Variants in ADGRB3 observed in about 807,000 individuals in gnomAD.
ADGRB3 encodes adhesion G protein-coupled receptor B3, also known as brain-specific angiogenesis inhibitor 3.
In ADGRB3, 37 loss-of-function variants were observed where a neutral mutation model predicts 193.4. The observed-to-expected ratio is 0.19, with a 90% CI of 0.15 to 0.25. The LOEUF (loss-of-function observed/expected upper bound fraction) is 0.25. Ranked by LOEUF, ADGRB3 falls within the 10% of genes least tolerant of loss-of-function variation. ADGRB3 has a pLI of 1.00. For missense variants in ADGRB3, 1,637 were observed against 1,852.9 expected, an observed-to-expected ratio of 0.88 and a Z score of 2.14; for synonymous variants, 690 against 644.2, an observed-to-expected ratio of 1.07 and a Z score of -1.08.
At chr6:69,077,930 A>G (rs1331063005) in intron 17 of ADGRB3, among the ~76,000 whole-genome samples, 1 of 152,020 alleles carries the variant, frequency 6.6e-6, no homozygotes, top group Non-Finnish European at 1.5e-5. Context: ...TTGTTTCATT[A>G]TTAAAAGTGT....
chr6:68,834,714 C>G (rs1047490146), intron 3 of ADGRB3, among the ~76,000 whole-genome samples: 1 of 100,736 alleles, frequency 9.9e-6, no homozygotes, highest in African/African-American at 4.0e-5. Flanking sequence ...CTGTTCAGTG[C>G]TGAGACGGGC....
At position 68,655,192 on chromosome 6, in the gene ADGRB3, A is replaced by G. The variant is rs1052410582; in HGVS notation, c.757+15760A>G. ...AAAACAAAGATTGTTGTAAGAGACA[A>G]CATGTCATAGTGTTTAAGGGTCAGA... is the stretch of plus-strand genomic sequence containing the variant. On this transcript the variant is annotated intron_variant, in intron 3 of 31. Coordinates refer to ENST00000370598, the MANE Select transcript of ADGRB3 (RefSeq NM_001704.3). 6.6e-5 allele frequency among the ~76,000 whole-genome samples: 10 copies of G among 151,378 alleles called. No homozygotes were observed. The Admixed American group carries it at 6.6e-4, about 10-fold the overall frequency.
chr6:69,334,865 C>G (rs1768812645), intron 24 of ADGRB3, among the ~76,000 whole-genome samples: 2 of 152,126 alleles, frequency 1.3e-5, no homozygotes, highest in Admixed American at 1.3e-4. Context: ...AACTCAGTCT[C>G]CTCATCTGTT....
At chr6:68,880,639 T>TGG (rs1765707596) in intron 3 of ADGRB3, among the ~76,000 whole-genome samples, 2 of 152,134 alleles carry the variant, frequency 1.3e-5, no homozygotes, top group Non-Finnish European at 2.9e-5. Context: ...TTGTACTTTA[T>TGG]AAGGAAGTCA....
chr6:68,832,587 A>G (rs565918306), intron 3 of ADGRB3, among the ~76,000 whole-genome samples: 9 of 152,268 alleles, frequency 5.9e-5, no homozygotes, highest in African/African-American at 2.2e-4. Context: ...TCATTTTTCA[A>G]TGTATCTTTT....
Position 68,670,107 on chromosome 6 carries a change from G to A in ADGRB3, c.757+30675G>A, listed in dbSNP as rs1285815777. Among the ~76,000 whole-genome samples, 3 of 151,740 alleles carry A rather than the reference G, an allele frequency of 2.0e-5. No individual in the cohort carries two copies. In the East Asian group the frequency reaches 5.8e-4, roughly 29 times the overall value. Reference sequence around the variant, plus strand: ...TATTCAAATCTTTTGCCCATTTTTTGATTGGGTTATTGGATTTTTTTCTTA... The same window carrying A: ...TATTCAAATCTTTTGCCCATTTTTTAATTGGGTTATTGGATTTTTTTCTTA... On this transcript the variant is annotated intron_variant, in intron 3 of 31. Coordinates refer to ENST00000370598, the MANE Select transcript of ADGRB3 (RefSeq NM_001704.3).
At chr6:69,296,289 A>C (rs1446734189) in intron 20 of ADGRB3, among the ~76,000 whole-genome samples, 1 of 152,196 alleles carries the variant, frequency 6.6e-6, no homozygotes, top group African/African-American at 2.4e-5. Context: ...GGTTAATCAC[A>C]GTGAAAAACT....
intron 3 of ADGRB3, among the ~76,000 whole-genome samples, chr6:68,786,978 T>A (rs564462053): frequency 1.3e-5 from 2 of 152,308 alleles, no homozygotes; most frequent in South Asian, 2.1e-4. Context: ...TGTATAAGAA[T>A]GCTTGTGATT....
At chr6:68,745,767 A>C (rs1344823565) in intron 3 of ADGRB3, among the ~76,000 whole-genome samples, 1 of 151,854 alleles carries the variant, frequency 6.6e-6, no homozygotes, top group Non-Finnish European at 1.5e-5. Flanking sequence ...ATATCCCCCC[A>C]CACACATATT....
intron 20 of ADGRB3, among the ~76,000 whole-genome samples, chr6:69,254,427 G>T (rs1176137744): frequency 1.3e-5 from 2 of 151,978 alleles, no homozygotes; most frequent in African/African-American, 2.4e-5. Flanking sequence ...TACTAGAAAG[G>T]ATTCTATTAT....
At chr6:68,786,629 T>C (rs1161283716) in intron 3 of ADGRB3, among the ~76,000 whole-genome samples, 7 of 152,002 alleles carry the variant, frequency 4.6e-5, no homozygotes, top group African/African-American at 1.2e-4. Context: ...ATTGACTTGG[T>C]GATGCAGGCT....
chr6:68,943,638 A>G (rs1008909025), intron 5 of ADGRB3, among the ~76,000 whole-genome samples, 192 bp from the exon 6 acceptor site: 4 of 152,176 alleles, frequency 2.6e-5, no homozygotes, highest in African/African-American at 9.6e-5. Flanking sequence ...AGCACATGCA[A>G]TTTTTCATTA....
chr6:68,654,292 C>T (rs1434341556), intron 3 of ADGRB3, among the ~76,000 whole-genome samples: 2 of 151,960 alleles, frequency 1.3e-5, no homozygotes, highest in Non-Finnish European at 2.9e-5. Context: ...GGAAATAATT[C>T]TTCCCAATGT....
chr6:68,928,177 A>G (rs1767235589), intron 3 of ADGRB3, among the ~76,000 whole-genome samples: 1 of 152,208 alleles, frequency 6.6e-6, no homozygotes, highest in Non-Finnish European at 1.5e-5. Flanking sequence ...AAAAATGAAC[A>G]CTTCAACTTG....
intron 13 of ADGRB3, among the ~76,000 whole-genome samples, chr6:69,044,227 C>T (rs1047212523): frequency 6.6e-6 from 1 of 152,142 alleles, no homozygotes; most frequent in Non-Finnish European, 1.5e-5. Flanking sequence ...TTGCTCATCC[C>T]TACAGCCTTC....
chr6:69,235,847 T>C (rs1402009049), intron 19 of ADGRB3, among the ~76,000 whole-genome samples: 1 of 152,034 alleles, frequency 6.6e-6, no homozygotes, highest in Non-Finnish European at 1.5e-5. Context: ...TATCGTCTAC[T>C]CACATATTGA....
chr6:69,100,533 A>G (rs1347368312), intron 17 of ADGRB3, among the ~76,000 whole-genome samples: 2 of 152,084 alleles, frequency 1.3e-5, no homozygotes, highest in Non-Finnish European at 2.9e-5. Context: ...CTCAAATGTA[A>G]CAGCTGACCT....
intron 3 of ADGRB3, among the ~76,000 whole-genome samples, chr6:68,687,984 A>G (rs1484322110): frequency 3.3e-5 from 5 of 152,164 alleles, no homozygotes; most frequent in Non-Finnish European, 5.9e-5. Context: ...TTCCTGCCAA[A>G]CACATTCAGA....
intron 30 of ADGRB3, among the ~76,000 whole-genome samples, chr6:69,380,813 A>G (rs1562004695): frequency 6.6e-6 from 1 of 151,928 alleles, no homozygotes; most frequent in Non-Finnish European, 1.5e-5. Flanking sequence ...CAGAAACTCA[A>G]TCAGATTTTG....
Sources: allele counts gnomAD v4.1 joint callset (sites outside exome capture counted in the v4.1 genomes callset), GRCh38; gene constraint gnomAD v4.1.1; transcripts MANE v1.5; gene names NCBI Gene and HGNC (gene_info 2026-07-23, HGNC 2026-07-21).